Variants in PRKN observed in about 807,000 individuals in gnomAD.
PRKN encodes the protein parkin RBR E3 ubiquitin protein ligase, also known as E3 ubiquitin-protein ligase parkin.
Under a neutral mutation model 59.5 loss-of-function variants are expected in PRKN, and 56 were observed. The observed-to-expected ratio is 0.94, with a 90% CI of 0.76 to 1.18. The LOEUF (loss-of-function observed/expected upper bound fraction) is 1.18. Ranked by LOEUF, PRKN falls within the 50% of genes most tolerant of loss-of-function variation. The pLI is 0.00. For missense variants in PRKN, 657 were observed against 596.4 expected, an observed-to-expected ratio of 1.10 and a Z score of -1.06; for synonymous variants, 250 against 222.1, an observed-to-expected ratio of 1.13 and a Z score of -1.12.
rs558930468 is a variant in PRKN at position 161,968,020 on chromosome 6, G to A, written c.734+5282C>T. Reference sequence around the variant, plus strand: ...AGCCAGTGATGGACATTATCAGTGTGGGGCCTTTTTTTTCTTTTGAGACAC... The same window carrying A: ...AGCCAGTGATGGACATTATCAGTGTAGGGCCTTTTTTTTCTTTTGAGACAC... On this transcript the variant is annotated intron_variant, in intron 6 of 11. Coordinates refer to ENST00000366898, the MANE Select transcript of PRKN (RefSeq NM_004562.3). Among the ~76,000 whole-genome samples the A allele has an allele frequency of 4.0e-5, 6 of 151,838 alleles. No individual in the cohort carries two copies. The South Asian group carries it at 1.3e-3, about 32-fold the overall frequency.
intron 2 of PRKN, among the ~76,000 whole-genome samples, chr6:162,383,926 C>T (rs1786638945): frequency 6.6e-6 from 1 of 152,200 alleles, no homozygotes. Flanking sequence ...ATCAACCAAC[C>T]TCTACTACCT....
chr6:162,678,264 T>C (rs1414046185), intron 1 of PRKN, among the ~76,000 whole-genome samples: 1 of 152,240 alleles, frequency 6.6e-6, no homozygotes, highest in Non-Finnish European at 1.5e-5. Flanking sequence ...CTATGGATAC[T>C]TGTATGTGAG....
intron 6 of PRKN, among the ~76,000 whole-genome samples, chr6:161,835,677 A>G (rs898293948): frequency 2.6e-5 from 4 of 152,220 alleles, no homozygotes; most frequent in African/African-American, 9.6e-5. Context: ...GCTCAGGCAC[A>G]AGTGCAAACT....
At chr6:161,998,288 A>G (rs1583459003) in intron 5 of PRKN, among the ~76,000 whole-genome samples, 1 of 152,108 alleles carries the variant, frequency 6.6e-6, no homozygotes, top group East Asian at 1.9e-4. Context: ...ATACACTGTC[A>G]TAAATCTTTA....
chr6:162,331,599 A>G (rs1783576535), intron 2 of PRKN, among the ~76,000 whole-genome samples: 1 of 152,172 alleles, frequency 6.6e-6, no homozygotes, highest in Admixed American at 6.5e-5. Flanking sequence ...GGTGGACACC[A>G]CCTAAATTGG....
chr6:161,636,710 T>C (rs1256742484), intron 7 of PRKN, among the ~76,000 whole-genome samples: 1 of 152,024 alleles, frequency 6.6e-6, no homozygotes, highest in Non-Finnish European at 1.5e-5. Flanking sequence ...CAGGGAAACA[T>C]AGCCAGACCC....
intron 4 of PRKN, among the ~76,000 whole-genome samples, chr6:162,065,436 C>T (rs1954937): frequency 0.43 from 65,848 of 151,972 alleles, 16,421 homozygotes; most frequent in African/African-American, 0.69. Flanking sequence ...GGGCAGCAGA[C>T]TGGATGGTGC....
intron 6 of PRKN, among the ~76,000 whole-genome samples, chr6:161,881,181 T>C (rs147005009): frequency 1.8e-4 from 27 of 152,204 alleles, no homozygotes; most frequent in African/African-American, 5.8e-4. Context: ...GGAAAACAGA[T>C]GTTGGAGGGA....
intron 7 of PRKN, among the ~76,000 whole-genome samples, chr6:161,660,740 C>T (rs1323265178): frequency 1.3e-5 from 2 of 152,202 alleles, no homozygotes; most frequent in Admixed American, 1.3e-4. Context: ...CCTGCCTTTG[C>T]TCTGCGCACA....
At chr6:161,605,226 G>A (rs1183990296) in intron 7 of PRKN, among the ~76,000 whole-genome samples, 5 of 152,058 alleles carry the variant, frequency 3.3e-5, no homozygotes, top group Admixed American at 1.3e-4. Context: ...GATCATTGCA[G>A]CTTTGGAGAA....
rs34838356 is a variant in PRKN, at chr6:162,414,726, A to AAAAAAAAAAAAAAAAGT, written c.171+28583_171+28584insACTTTTTTTTTTTTTTT. ...ACTCCGTCTCAAAAAAAAAAAAAAA[A>AAAAAAAAAAAAAAAAGT]AGTGAATCTTTGAAGTTTTAAAATA... is the stretch of plus-strand genomic sequence containing the variant. On this transcript the variant is annotated intron_variant, in intron 2 of 11. Transcript: ENST00000366898. Among the ~76,000 whole-genome samples, 425 of 91,774 alleles carry AAAAAAAAAAAAAAAAGT rather than the reference A, an allele frequency of 4.6e-3. 104 individuals carry two copies. The highest frequency in any genetic ancestry group is 0.012 in the African/African-American group (257 of 22,030). The allele number at this position is 91,774 out of a possible 152,430, so 60.2% of individuals were successfully genotyped here.
intron 7 of PRKN, among the ~76,000 whole-genome samples, chr6:161,638,226 G>T (rs540445836): frequency 1.3e-5 from 2 of 151,954 alleles, no homozygotes; most frequent in South Asian, 2.1e-4. Context: ...TCCACCTGCT[G>T]GGTTGAAGCC....
At chr6:162,672,604 A>G (rs1170469354) in intron 1 of PRKN, among the ~76,000 whole-genome samples, 1 of 152,110 alleles carries the variant, frequency 6.6e-6, no homozygotes, top group Non-Finnish European at 1.5e-5. Context: ...TTCAAATTTT[A>G]GAAAGTTTGT....
intron 1 of PRKN, among the ~76,000 whole-genome samples, chr6:162,678,860 T>C (rs994287114): frequency 7.2e-5 from 11 of 152,074 alleles, no homozygotes; most frequent in African/African-American, 2.4e-4. Flanking sequence ...CTGCAACCTC[T>C]GCCTCCTAAA....
chr6:162,303,846 A>G (rs573649151), intron 2 of PRKN, among the ~76,000 whole-genome samples: 2 of 152,266 alleles, frequency 1.3e-5, no homozygotes, highest in South Asian at 4.1e-4. Flanking sequence ...GCGTTGATGG[A>G]ACACAAGTGG....
At chr6:162,074,419 G>C (rs1340624953) in intron 4 of PRKN, among the ~76,000 whole-genome samples, 110 of 145,114 alleles carry the variant, frequency 7.6e-4, no homozygotes, top group African/African-American at 2.8e-3. Context: ...TCATAGGTGG[G>C]AATTGAACAA....
chr6:162,638,128 T>A (rs183292677), intron 1 of PRKN, among the ~76,000 whole-genome samples: 244 of 152,314 alleles, frequency 1.6e-3, no homozygotes, highest in Middle Eastern at 3.4e-3. Context: ...GTTCTAATGA[T>A]AATGTAATTC....
intron 1 of PRKN, among the ~76,000 whole-genome samples, chr6:162,458,866 G>C (rs1791030658): frequency 1.3e-5 from 2 of 152,120 alleles, no homozygotes; most frequent in South Asian, 4.1e-4. Context: ...ACTAAGGCTG[G>C]AGTATAGTTG....
intron 9 of PRKN, among the ~76,000 whole-genome samples, chr6:161,464,594 T>C (rs896558153): frequency 6.6e-6 from 1 of 152,248 alleles, no homozygotes; most frequent in Non-Finnish European, 1.5e-5. Flanking sequence ...CACCATCCTA[T>C]GCCCACCTAG....
Sources: gnomAD v4.1 joint callset for allele counts (sites outside exome capture counted in the v4.1 genomes callset) on GRCh38, gnomAD v4.1.1 for gene constraint, MANE v1.5 for transcripts, NCBI Gene and HGNC (gene_info 2026-07-23, HGNC 2026-07-21) for gene names.